Variants in ZNF106 observed in about 807,000 individuals in gnomAD.
ZNF106 encodes the protein zinc finger protein 106.
A neutral mutation model predicts 195.1 loss-of-function variants in ZNF106; 67 were observed. The ratio of observed to expected loss-of-function variants is 0.34; its 90% CI spans 0.28 to 0.42. ZNF106 has a LOEUF of 0.42. ZNF106 is among the 10% of genes least tolerant of loss of function. The pLI, the probability that ZNF106 is intolerant of heterozygous loss-of-function variation, is 1.00. For synonymous variants in ZNF106, 784 were observed against 818.6 expected (o/e 0.96, Z 0.72); for missense variants, 2,118 against 2,304.5 (o/e 0.92, Z 1.66).
At chr15:42,475,268 C>T (rs996482021) in intron 1 of ZNF106, among the ~76,000 whole-genome samples, 4 of 152,106 alleles carry the variant, frequency 2.6e-5, no homozygotes, top group Admixed American at 2.0e-4. Context: ...GCCTGGCCAA[C>T]ATGTCTCTAT....
At chr15:42,474,194 T>C (rs1055438260) in intron 1 of ZNF106, among the ~76,000 whole-genome samples, 4 of 152,192 alleles carry the variant, frequency 2.6e-5, no homozygotes, top group Non-Finnish European at 5.9e-5. Context: ...CCAGGAAATT[T>C]TGGAATAGTT....
intron 16 of ZNF106, 193 bp from the exon 17 acceptor site, chr15:42,424,253 A>G: frequency 5.4e-6 from 3 of 554,306 alleles, no homozygotes; most frequent in East Asian, 2.9e-5. Flanking sequence ...TAATGAACTG[A>G]CAATGTATTA....
chr15:42,425,369 C>G, intron 15 of ZNF106: 1 of 223,856 alleles, frequency 4.5e-6, no homozygotes, highest in Non-Finnish European at 8.9e-6. Context: ...TTTTCAAACT[C>G]TAGTGCATAT....
intron 4 of ZNF106, 147 bp from the exon 5 acceptor site, chr15:42,452,101 T>C (rs2056054391): frequency 1.3e-6 from 1 of 747,452 alleles, no homozygotes; most frequent in Non-Finnish European, 2.1e-6. Context: ...AGTGGTTGTT[T>C]TCATATCTTT....
chr15:42,419,369 T>A (rs1275222942), intron 20 of ZNF106, among the ~76,000 whole-genome samples: 1 of 150,056 alleles, frequency 6.7e-6, no homozygotes, highest in South Asian at 2.1e-4. Flanking sequence ...AGAAAAAAAA[T>A]AAATAATAAA....
intron 3 of ZNF106, among the ~76,000 whole-genome samples, chr15:42,460,255 T>G (rs576199788): frequency 5.3e-5 from 8 of 152,098 alleles, no homozygotes; most frequent in Admixed American, 1.3e-4. Flanking sequence ...ATGCAGAGAA[T>G]CTGTCTAATG....
intron 1 of ZNF106, among the ~76,000 whole-genome samples, chr15:42,480,602 C>T (rs2056878855): frequency 6.6e-6 from 1 of 152,118 alleles, no homozygotes; most frequent in African/African-American, 2.4e-5. Context: ...TTTTTAGCAA[C>T]ACTTCTTTGC....
chr15:42,464,843 C>T lies in ZNF106; in HGVS notation c.116+1210G>A, dbSNP rs537430768. Among the ~76,000 whole-genome samples, 6 of 152,218 alleles carry T rather than the reference C, an allele frequency of 3.9e-5. No individual in the cohort carries two copies. The East Asian group carries it at 9.7e-4, about 25-fold the overall frequency. Reference sequence around the variant, plus strand: ...ACTGAATCATAGGGGCAGTTTCCCCCATACTGTTCTCATGGTAGTGAATAA... The same window carrying T: ...ACTGAATCATAGGGGCAGTTTCCCCTATACTGTTCTCATGGTAGTGAATAA... On this transcript the variant is annotated intron_variant, in intron 3 of 21. Transcript: ENST00000564754.
chr15:42,437,080 G>T, intron 13 of ZNF106, 152 bp downstream of exon 13: 2 of 722,156 alleles, frequency 2.8e-6, no homozygotes, highest in South Asian at 2.2e-5. Context: ...CAGTGACCTT[G>T]CTGAGCTTCT....
chr15:42,462,885 G>A (rs2056425992), intron 3 of ZNF106, among the ~76,000 whole-genome samples: 1 of 152,108 alleles, frequency 6.6e-6, no homozygotes, highest in Non-Finnish European at 1.5e-5. Flanking sequence ...CTGGGCTCAA[G>A]GGATCCTCCT....
At chr15:42,436,161 GC>G (rs2055266821) in intron 13 of ZNF106, among the ~76,000 whole-genome samples, 1 of 152,000 alleles carries the variant, frequency 6.6e-6, no homozygotes, top group Non-Finnish European at 1.5e-5. Context: ...CACCATGTTA[GC>G]CAGGATGGTC....
chr15:42,424,293 T>A (rs913450551), intron 16 of ZNF106: 17 of 497,860 alleles, frequency 3.4e-5, no homozygotes. Context: ...AGAATGATTA[T>A]GAAGCAGCCT....
Position 42,457,170 on chromosome 15 carries a change from G to C in ZNF106, c.117-12C>G, listed in dbSNP as rs1274255895. 2 of 1,614,108 alleles carry C rather than the reference G, an allele frequency of 1.2e-6. No homozygotes were observed. Among genetic ancestry groups the C allele is most frequent in the East Asian group, 4.5e-5 (2 of 44,868 alleles). Reference sequence around the variant, plus strand: ...CATGACTAATGTCCCTAGGGAAAGAGGGAGATGAGGGACATTCAATTCTCC... The same window carrying C: ...CATGACTAATGTCCCTAGGGAAAGACGGAGATGAGGGACATTCAATTCTCC... On this transcript the variant is annotated splice_polypyrimidine_tract_variant and intron_variant, in intron 3 of 21. Transcript: ENST00000564754.
chr15:42,476,400 T>C (rs867667746), intron 1 of ZNF106, among the ~76,000 whole-genome samples: 1 of 152,144 alleles, frequency 6.6e-6, no homozygotes, highest in Non-Finnish European at 1.5e-5. Context: ...TCCAACTCTG[T>C]GATCTCAACC....
chr15:42,446,483 A>G, intron 7 of ZNF106, 106 bp downstream of exon 7: 1 of 812,820 alleles, frequency 1.2e-6, no homozygotes, highest in Non-Finnish European at 2.1e-6. Context: ...AGGCTGAGAG[A>G]AGAGGATTGC....
intron 1 of ZNF106, among the ~76,000 whole-genome samples, chr15:42,477,882 C>T (rs1187178313): frequency 1.3e-5 from 2 of 151,282 alleles, no homozygotes; most frequent in Non-Finnish European, 2.9e-5. Context: ...AAGAGTGAAA[C>T]TCAGCCTCAA....
chr15:42,487,620 A>T (rs1247913138), intron 1 of ZNF106, among the ~76,000 whole-genome samples: 3 of 151,668 alleles, frequency 2.0e-5, no homozygotes, highest in Non-Finnish European at 4.4e-5. Flanking sequence ...ATATTTTTCA[A>T]TTTTTTTGCA....
chr15:42,487,041 T>A (rs939981983), intron 1 of ZNF106, among the ~76,000 whole-genome samples: 2 of 151,808 alleles, frequency 1.3e-5, no homozygotes, highest in Non-Finnish European at 2.9e-5. Flanking sequence ...TCCCAGCTAC[T>A]CGGGAGGCTG....
At chr15:42,475,806 C>T (rs79367446) in intron 1 of ZNF106, among the ~76,000 whole-genome samples, 2,152 of 152,212 alleles carry the variant, frequency 0.014, 53 homozygotes, top group African/African-American at 0.049. Context: ...TTAAATTGTG[C>T]TTCCAATTAT....
Sources: allele counts gnomAD v4.1 joint callset (sites outside exome capture counted in the v4.1 genomes callset), GRCh38; gene constraint gnomAD v4.1.1; transcripts MANE v1.5; gene names NCBI Gene and HGNC (gene_info 2026-07-23, HGNC 2026-07-21).